Variants in SOS2 observed in about 807,000 individuals in gnomAD.
SOS2 encodes son of sevenless homolog 2.
A neutral mutation model predicts 148.2 loss-of-function variants in SOS2; 65 were observed. The ratio of observed to expected loss-of-function variants is 0.44; its 90% CI spans 0.36 to 0.54. The LOEUF is 0.54. SOS2 is among the 20% of genes least tolerant of loss of function. The pLI is 0.00. For synonymous variants in SOS2, 539 were observed against 537.1 expected, an observed-to-expected ratio of 1.00 and a Z score of -0.05; for missense variants, 1,341 against 1,590.2, an observed-to-expected ratio of 0.84 and a Z score of 2.67.
chr14:50,204,906 T>TTTC (rs1175846610), intron 1 of SOS2, among the ~76,000 whole-genome samples: 1 of 145,102 alleles, frequency 6.9e-6, no homozygotes. Flanking sequence ...TTTTCTTTCT[T>TTTC]TTTTTTTTTA....
At chr14:50,224,736 AT>A (rs1887315000) in intron 1 of SOS2, among the ~76,000 whole-genome samples, 2 of 151,714 alleles carry the variant, frequency 1.3e-5, no homozygotes, top group African/African-American at 2.4e-5. Context: ...AAATAAGAAA[AT>A]TAGCTGGGTG....
intron 16 of SOS2, among the ~76,000 whole-genome samples, chr14:50,141,600 C>T (rs947560703): frequency 1.3e-5 from 2 of 151,958 alleles, no homozygotes; most frequent in Non-Finnish European, 1.5e-5. Context: ...CAAAAAAAAC[C>T]CCACAAAACT....
intron 22 of SOS2, among the ~76,000 whole-genome samples, chr14:50,119,584 T>G (rs12879067): frequency 0.3 from 45,188 of 151,740 alleles, 7,785 homozygotes; most frequent in Middle Eastern, 0.4. Context: ...CAGGCTGGAG[T>G]GCAATGGTGC....
chr14:50,191,663 C>G (rs149124083), intron 4 of SOS2, among the ~76,000 whole-genome samples: 70 of 152,068 alleles, frequency 4.6e-4, no homozygotes, highest in African/African-American at 1.6e-3. Context: ...AGGGGTCAGG[C>G]AAGTAACATT....
chr14:50,155,496 G>A (rs529529980), intron 12 of SOS2, among the ~76,000 whole-genome samples: 3 of 151,800 alleles, frequency 2.0e-5, no homozygotes, highest in Admixed American at 6.6e-5. Flanking sequence ...CATCCTTTAG[G>A]GGCAGTCTCA....
intron 16 of SOS2, among the ~76,000 whole-genome samples, chr14:50,144,653 G>A (rs758580841): frequency 5.3e-5 from 8 of 151,866 alleles, no homozygotes; most frequent in Non-Finnish European, 1.0e-4. Flanking sequence ...GTCCAGGTTG[G>A]TTTCGAACTC....
chr14:50,204,442 CA>C (rs751507926), intron 1 of SOS2, 33 bp from the exon 2 acceptor site: 18 of 1,354,186 alleles, frequency 1.3e-5, no homozygotes, highest in Non-Finnish European at 1.3e-5. Flanking sequence ...AAAGTAATGG[CA>C]AAATAATATA....
intron 1 of SOS2, among the ~76,000 whole-genome samples, chr14:50,227,635 C>A (rs2139879590): frequency 6.6e-6 from 1 of 152,250 alleles, no homozygotes; most frequent in East Asian, 1.9e-4. Flanking sequence ...CCGTGTTAGC[C>A]AGCATGGTCT....
At chr14:50,139,910 C>T in intron 17 of SOS2, 32 bp downstream of exon 17, 1 of 1,086,122 alleles carries the variant, frequency 9.2e-7, no homozygotes. Context: ...CACACGCTCA[C>T]CCTCAAAATA....
intron 7 of SOS2, among the ~76,000 whole-genome samples, chr14:50,178,745 T>TATA (rs773374441): frequency 7.4e-6 from 1 of 134,524 alleles, no homozygotes; most frequent in African/African-American, 2.8e-5. Context: ...TATATATATA[T>TATA]TTTTTGGAGA....
At chr14:50,130,855 T>C (rs1195980052) in intron 19 of SOS2, 93 bp from the exon 20 acceptor site, 1 of 1,106,018 alleles carries the variant, frequency 9.0e-7, no homozygotes, top group Non-Finnish European at 1.3e-6. Context: ...TTATTAGTTC[T>C]TAAGCATACA....
intron 7 of SOS2, among the ~76,000 whole-genome samples, chr14:50,178,711 T>TATATATATATATAC (rs1237281191): frequency 1.2e-4 from 15 of 120,382 alleles, no homozygotes; most frequent in Non-Finnish European, 2.3e-4. Flanking sequence ...TATATATATA[T>TATATATATATATAC]ACACACATAT....
intron 19 of SOS2, among the ~76,000 whole-genome samples, chr14:50,133,448 C>A (rs1883972370): frequency 6.6e-6 from 1 of 151,912 alleles, no homozygotes; most frequent in Admixed American, 6.6e-5. Flanking sequence ...AATCTGCCTG[C>A]CTTGGTCTCC....
At position 50,144,205 on chromosome 14, in the gene SOS2, A is replaced by C. The variant is rs143570508; in HGVS notation, c.2667+965T>G. 7.9e-3 allele frequency among the ~76,000 whole-genome samples: 1,199 copies of C among 152,146 alleles called. 14 individuals are homozygous for C. Among genetic ancestry groups the C allele is most frequent in the Middle Eastern group, 0.065 (19 of 294 alleles). ...TGTCCCACAATCTACTGTTGGAATA[A>C]ATTATGATTTATCCATGATAGAAAA... On this transcript the variant is annotated intron_variant, in intron 16 of 22. Coordinates refer to ENST00000216373, the MANE Select transcript of SOS2 (RefSeq NM_006939.4).
At chr14:50,204,846 T>C (rs984563152) in intron 1 of SOS2, among the ~76,000 whole-genome samples, 4 of 152,018 alleles carry the variant, frequency 2.6e-5, no homozygotes, top group East Asian at 1.9e-4. Context: ...GCTTTCACAA[T>C]AGCACTGTCA....
intron 5 of SOS2, among the ~76,000 whole-genome samples, chr14:50,185,513 G>A (rs1357363675): frequency 3.9e-5 from 6 of 151,988 alleles, no homozygotes; most frequent in South Asian, 4.1e-4. Flanking sequence ...CCAACATGGC[G>A]AAACCCCGTT....
intron 1 of SOS2, among the ~76,000 whole-genome samples, chr14:50,218,132 T>C (rs1887088713): frequency 1.4e-5 from 2 of 140,200 alleles, no homozygotes; most frequent in African/African-American, 5.4e-5. Context: ...ACCCTATCTC[T>C]TAAAAACAAA....
At chr14:50,206,715 C>A (rs553239186) in intron 1 of SOS2, among the ~76,000 whole-genome samples, 64 of 152,224 alleles carry the variant, frequency 4.2e-4, no homozygotes, top group African/African-American at 1.4e-3. Flanking sequence ...AAGCAAATTT[C>A]TTTAATTTTT....
chr14:50,160,716 T>C (rs1341788594), intron 9 of SOS2, among the ~76,000 whole-genome samples: 1 of 152,118 alleles, frequency 6.6e-6, no homozygotes, highest in Non-Finnish European at 1.5e-5. Flanking sequence ...CTAGGCTGGG[T>C]TGGCCAGGTG....
Sources: allele counts gnomAD v4.1 joint callset (sites outside exome capture counted in the v4.1 genomes callset), GRCh38; gene constraint gnomAD v4.1.1; transcripts MANE v1.5; gene names NCBI Gene and HGNC (gene_info 2026-07-23, HGNC 2026-07-21).